The following ABCG2 variants were observed in gnomAD, a reference collection of about 807,000 sequenced individuals.
The protein encoded by ABCG2 is ATP binding cassette subfamily G member 2 (JR blood group).
A neutral mutation model predicts 73.5 loss-of-function variants in ABCG2; 80 were observed. That is an observed-to-expected ratio of 1.09 (90% confidence interval 0.91 to 1.31). ABCG2 has a LOEUF of 1.31. Ranked by LOEUF, ABCG2 falls within the 50% of genes most tolerant of loss-of-function variation. The pLI, the probability that ABCG2 is intolerant of heterozygous loss-of-function variation, is 0.00. For missense variants in ABCG2, 796 were observed against 786.2 expected (o/e 1.01, Z -0.15); for synonymous variants, 269 against 282.4 (o/e 0.95, Z 0.48).
chr4:88,230,053 C>T (rs1381597639), intron 1 of ABCG2, among the ~76,000 whole-genome samples: 3 of 149,310 alleles, frequency 2.0e-5, no homozygotes, highest in Admixed American at 2.0e-4. Flanking sequence ...AGTACAATGG[C>T]GCGGTCTTAG....
intron 1 of ABCG2, among the ~76,000 whole-genome samples, chr4:88,167,543 T>C (rs1727589902): frequency 6.6e-6 from 1 of 152,044 alleles, no homozygotes; most frequent in African/African-American, 2.4e-5. Context: ...CAGCTAATTT[T>C]TGTTATTTTT....
At chr4:88,201,127 AAT>A (rs1333460968) in intron 1 of ABCG2, among the ~76,000 whole-genome samples, 1 of 151,672 alleles carries the variant, frequency 6.6e-6, no homozygotes, top group Admixed American at 6.6e-5. Context: ...ACTGAAAATC[AAT>A]AGAGAAAATT....
intron 12 of ABCG2, among the ~76,000 whole-genome samples, 180 bp downstream of exon 12, chr4:88,099,144 C>T (rs912130798): frequency 2.6e-5 from 4 of 152,122 alleles, no homozygotes; most frequent in African/African-American, 9.7e-5. Context: ...GGGAAACAGT[C>T]TTGACAAAAA....
chr4:88,125,229 T>A (rs1296056026), intron 5 of ABCG2, among the ~76,000 whole-genome samples: 2 of 151,646 alleles, frequency 1.3e-5, no homozygotes, highest in Non-Finnish European at 2.9e-5. Flanking sequence ...GAGGCTGAAC[T>A]TGCAGTGAGC....
At chr4:88,119,646 C>T (rs540368551) in intron 6 of ABCG2, among the ~76,000 whole-genome samples, 2 of 152,088 alleles carry the variant, frequency 1.3e-5, no homozygotes, top group African/African-American at 2.4e-5. Context: ...GGCATTTTGC[C>T]CCTGCCCTAG....
chr4:88,154,482 G>C (rs1035275190), intron 1 of ABCG2, among the ~76,000 whole-genome samples: 27 of 152,180 alleles, frequency 1.8e-4, no homozygotes, highest in Non-Finnish European at 2.9e-4. Flanking sequence ...GGTAGTGGAG[G>C]GGGGCAGAGT....
At chr4:88,158,654 G>A (rs1173789207), upstream of ABCG2, 2 of 456,154 alleles carry the variant, frequency 4.4e-6, no homozygotes, top group East Asian at 1.4e-4. Context: ...CTTCCCTCCT[G>A]CGCGCCCGGA....
At chr4:88,096,672 T>C (rs1288004668) in intron 13 of ABCG2, among the ~76,000 whole-genome samples, 1 of 151,792 alleles carries the variant, frequency 6.6e-6, no homozygotes, top group Admixed American at 6.6e-5. Flanking sequence ...GGGAAAAAAA[T>C]GTAACTGGTT....
rs535870529 is a variant in ABCG2, at chr4:88,094,520, T to G, written c.1820+57A>C. Reference sequence around the variant, plus strand: ...CATACAGATCTAAGCCCAGTAGCCTTTATACATCACACCATGGTAGTAACA... The same window carrying G: ...CATACAGATCTAAGCCCAGTAGCCTGTATACATCACACCATGGTAGTAACA... On this transcript the variant is annotated intron_variant, in intron 15 of 15. Coordinates refer to ENST00000237612, the MANE Select transcript of ABCG2 (RefSeq NM_004827.3). 11 of 1,465,530 alleles carry G rather than the reference T, an allele frequency of 7.5e-6. No homozygotes were observed. In the South Asian group the frequency reaches 1.0e-4, roughly 14 times the overall value. 90.8% of individuals were successfully genotyped at this position (1,465,530 alleles called of 1,614,324 possible).
intron 2 of ABCG2, among the ~76,000 whole-genome samples, chr4:88,135,079 G>T (rs938525786): frequency 6.6e-6 from 1 of 152,116 alleles, no homozygotes; most frequent in Non-Finnish European, 1.5e-5. Context: ...CAACACAGAC[G>T]CATGGCCCAC....
intron 13 of ABCG2, among the ~76,000 whole-genome samples, chr4:88,096,981 T>C (rs1453798296): frequency 6.6e-6 from 1 of 152,146 alleles, no homozygotes; most frequent in Non-Finnish European, 1.5e-5. Flanking sequence ...CTATCTCTGC[T>C]GGTGGGTAAA....
chr4:88,152,879 A>C (rs370542025), intron 1 of ABCG2, among the ~76,000 whole-genome samples: 1 of 152,144 alleles, frequency 6.6e-6, no homozygotes, highest in African/African-American at 2.4e-5. Context: ...TGGGAACCTA[A>C]AGTGGGAGAG....
At position 88,127,097 on chromosome 4, in the gene ABCG2, A is replaced by T. The variant is rs181053271; in HGVS notation, c.531+3964T>A. On this transcript the variant is annotated intron_variant, in intron 5 of 15. Coordinates refer to ENST00000237612, the MANE Select transcript of ABCG2 (RefSeq NM_004827.3). ...AGCAAAGTCTCAGGATACAAAATCAATGTGCAAAAATCACAAGCATTCCTA... is the reference window on the plus strand; with the variant it reads ...AGCAAAGTCTCAGGATACAAAATCATTGTGCAAAAATCACAAGCATTCCTA... Among the ~76,000 whole-genome samples, 233 of 152,338 alleles carry T rather than the reference A, an allele frequency of 1.5e-3. 2 individuals are homozygous for T. The highest frequency in any genetic ancestry group is 4.4e-4 in the Non-Finnish European group (30 of 68,036).
chr4:88,117,491 G>A (rs913587036), intron 7 of ABCG2, among the ~76,000 whole-genome samples: 1 of 151,960 alleles, frequency 6.6e-6, no homozygotes, highest in Non-Finnish European at 1.5e-5. Context: ...AAAAAAATTA[G>A]CCGGGCATGG....
chr4:88,128,834 A>T (rs548085690), intron 5 of ABCG2, among the ~76,000 whole-genome samples: 6 of 152,278 alleles, frequency 3.9e-5, no homozygotes, highest in Non-Finnish European at 8.8e-5. Flanking sequence ...GATGGGTTGA[A>T]GGGTGCAGCA....
chr4:88,188,340 T>A (rs1728550515), intron 1 of ABCG2, among the ~76,000 whole-genome samples: 2 of 152,154 alleles, frequency 1.3e-5, no homozygotes, highest in Non-Finnish European at 2.9e-5. Context: ...GGTCTAAACG[T>A]CTGTCTCTAT....
chr4:88,152,705 T>C (rs1274902119), intron 1 of ABCG2, among the ~76,000 whole-genome samples: 1 of 152,168 alleles, frequency 6.6e-6, no homozygotes, highest in African/African-American at 2.4e-5. Flanking sequence ...TATGATGGCT[T>C]AGCTTGGGCT....
At chr4:88,227,113 A>C (rs1730252945) in intron 1 of ABCG2, among the ~76,000 whole-genome samples, 1 of 152,068 alleles carries the variant, frequency 6.6e-6, no homozygotes, top group African/African-American at 2.4e-5. Context: ...AAAACTAAAA[A>C]ATAAAAACAA....
Position 88,114,949 on chromosome 4 carries a change from T to C in ABCG2, c.943+8A>G, listed in dbSNP as rs147683935. 19 of 1,591,424 alleles carry C rather than the reference T, an allele frequency of 1.2e-5. No homozygotes were observed. The African/African-American group carries it at 2.6e-4, about 21-fold the overall frequency. On this transcript the variant is annotated splice_region_variant and intron_variant, in intron 8 of 15. Transcript: ENST00000237612. Reference sequence around the variant, plus strand: ...GCAAAAATCTGGGACTGTAACAGATTCATATACCTTTAAAGTCTTCTTCTC... The same window carrying C: ...GCAAAAATCTGGGACTGTAACAGATCCATATACCTTTAAAGTCTTCTTCTC...
Sources: gnomAD v4.1 joint callset for allele counts (sites outside exome capture counted in the v4.1 genomes callset) on GRCh38, gnomAD v4.1.1 for gene constraint, MANE v1.5 for transcripts, NCBI Gene and HGNC (gene_info 2026-07-23, HGNC 2026-07-21) for gene names.